Variants in CRYZL1 observed in about 807,000 individuals in gnomAD.
CRYZL1 encodes crystallin zeta like 1.
A neutral mutation model predicts 50.6 loss-of-function variants in CRYZL1; 34 were observed. That is an observed-to-expected ratio of 0.67 (90% CI 0.51 to 0.89). The LOEUF (loss-of-function observed/expected upper bound fraction) is 0.89. Ranked by LOEUF, CRYZL1 falls within the 40% of genes least tolerant of loss-of-function variation. The pLI, the probability that CRYZL1 is intolerant of heterozygous loss-of-function variation, is 0.00. For missense variants in CRYZL1, 354 were observed against 402.3 expected (o/e 0.88, Z 1.03); for synonymous variants, 125 against 134.3 (o/e 0.93, Z 0.48).
chr21:33,607,068 T>A (rs746446484), intron 6 of CRYZL1, among the ~76,000 whole-genome samples: 1 of 152,172 alleles, frequency 6.6e-6, no homozygotes, highest in African/African-American at 2.4e-5. Flanking sequence ...CTAAGAATTA[T>A]AATTTGATCT....
chr21:33,610,882 C>T (rs2086866015), intron 6 of CRYZL1, among the ~76,000 whole-genome samples: 1 of 147,710 alleles, frequency 6.8e-6, no homozygotes, highest in Admixed American at 6.9e-5. Flanking sequence ...CAGGCGCCCA[C>T]GACCATGCCC....
chr21:33,640,016 G>A, intron 1 of CRYZL1: 1 of 685,656 alleles, frequency 1.5e-6, no homozygotes, highest in Non-Finnish European at 2.3e-6. Flanking sequence ...AGTAGACACG[G>A]GGTTTCACCA....
chr21:33,589,497 C>A lies in CRYZL1; in HGVS notation c.*325G>T. 1 of 437,312 alleles carries A rather than the reference C, an allele frequency of 2.3e-6. No individual in the cohort carries two copies. 27.1% of individuals were successfully genotyped at this position (437,312 alleles called of 1,614,324 possible). A position where few individuals can be genotyped will look rare whatever the true frequency, so the allele number is the denominator to read the frequency against. ...AGCAAAGGCCTGCAACAGCTTTTAT[C>A]AAGAGTAGTGTGACTTTTGCTGAAA... On this transcript the variant is annotated 3_prime_UTR_variant, in exon 13 of 13. Coordinates refer to ENST00000381554, the MANE Select transcript of CRYZL1 (RefSeq NM_145858.3).
At chr21:33,601,480 C>A (rs2086756048) in intron 8 of CRYZL1, among the ~76,000 whole-genome samples, 1 of 152,132 alleles carries the variant, frequency 6.6e-6, no homozygotes, top group Non-Finnish European at 1.5e-5. Context: ...CTTCCACACC[C>A]AGCCTGCATC....
At chr21:33,628,155 G>A (rs1315321178) in intron 2 of CRYZL1, among the ~76,000 whole-genome samples, 1 of 152,108 alleles carries the variant, frequency 6.6e-6, no homozygotes, top group Non-Finnish European at 1.5e-5. Context: ...AGTTTGTTCT[G>A]TCTTCCTAAT....
intron 3 of CRYZL1, among the ~76,000 whole-genome samples, chr21:33,624,076 T>C (rs931062605): frequency 1.3e-5 from 2 of 152,174 alleles, no homozygotes; most frequent in African/African-American, 4.8e-5. Flanking sequence ...TATAAACTCT[T>C]AGTTTTTTGC....
intron 8 of CRYZL1, among the ~76,000 whole-genome samples, chr21:33,600,213 C>G (rs2086736740): frequency 6.6e-6 from 1 of 152,252 alleles, no homozygotes; most frequent in African/African-American, 2.4e-5. Context: ...TCCCTCTCTT[C>G]CCCACTTACT....
At chr21:33,624,252 T>A (rs555427977) in intron 3 of CRYZL1, among the ~76,000 whole-genome samples, 1 of 152,214 alleles carries the variant, frequency 6.6e-6, no homozygotes, top group Non-Finnish European at 1.5e-5. Context: ...GCTGTTCTAT[T>A]CTAAAGATGG....
chr21:33,635,493 G>C (rs1267086639), intron 1 of CRYZL1, among the ~76,000 whole-genome samples: 5 of 151,104 alleles, frequency 3.3e-5, no homozygotes, highest in Non-Finnish European at 7.4e-5. Flanking sequence ...TGGGACTACA[G>C]GCGCCCACCA....
chr21:33,602,214 G>A lies in CRYZL1; in HGVS notation c.577+20C>T, dbSNP rs1325393984. 1 of 1,263,064 alleles carries A rather than the reference G, an allele frequency of 7.9e-7. No individual in the cohort carries two copies. Among genetic ancestry groups the A allele is most frequent in the Non-Finnish European group, 1.2e-6 (1 of 864,674 alleles). 78.2% of individuals were successfully genotyped at this position (1,263,064 alleles called of 1,614,324 possible). A position where few individuals can be genotyped will look rare whatever the true frequency, so the allele number is the denominator to read the frequency against. ...TTCAAAATTTCCTGTTTTAAAGTCT[G>A]TGCTCATAATATTACCCACCTATGG... On this transcript the variant is annotated intron_variant, in intron 8 of 12. Transcript: ENST00000381554.
intron 6 of CRYZL1, among the ~76,000 whole-genome samples, chr21:33,606,477 T>C (rs2145929282): frequency 1.4e-5 from 2 of 147,810 alleles, no homozygotes; most frequent in African/African-American, 5.0e-5. Context: ...AATACAAAAA[T>C]TAGCCAGGCA....
intron 3 of CRYZL1, 152 bp downstream of exon 3, chr21:33,624,531 A>G (rs1214057456): frequency 7.0e-6 from 9 of 1,294,524 alleles, no homozygotes; most frequent in Non-Finnish European, 9.2e-6. Flanking sequence ...CCTGGGCAAC[A>G]AGAGTGAAAC....
At chr21:33,632,308 G>C (rs944925732) in intron 1 of CRYZL1, among the ~76,000 whole-genome samples, 5 of 151,884 alleles carry the variant, frequency 3.3e-5, no homozygotes, top group African/African-American at 1.2e-4. Context: ...CTTCAGCCTG[G>C]GGAACAAGAG....
intron 9 of CRYZL1, among the ~76,000 whole-genome samples, chr21:33,597,653 C>A (rs2086709570): frequency 1.3e-5 from 2 of 152,028 alleles, no homozygotes; most frequent in Admixed American, 1.3e-4. Context: ...CGCTCTGTCG[C>A]CCAGGCTGGA....
intron 8 of CRYZL1, among the ~76,000 whole-genome samples, chr21:33,600,242 T>C (rs1208887188): frequency 2.0e-5 from 3 of 152,058 alleles, no homozygotes; most frequent in Non-Finnish European, 4.4e-5. Flanking sequence ...TGAAGAAAAA[T>C]CTTAAAGCTA....
intron 1 of CRYZL1, 94 bp from the exon 2 acceptor site, chr21:33,631,651 C>A: frequency 1.4e-6 from 1 of 713,332 alleles, no homozygotes. Flanking sequence ...AAGGATAAAA[C>A]GACAACTACA....
intron 1 of CRYZL1, chr21:33,641,162 C>T: frequency 3.9e-6 from 6 of 1,550,258 alleles, no homozygotes; most frequent in Non-Finnish European, 5.2e-6. Flanking sequence ...CCAGACCTAT[C>T]CCAAGGCGAT....
At chr21:33,595,595 T>C in intron 11 of CRYZL1, 136 bp downstream of exon 11, 3 of 1,422,128 alleles carry the variant, frequency 2.1e-6, no homozygotes, top group Non-Finnish European at 2.9e-6. Flanking sequence ...AATGAATACT[T>C]GCAAGGCACT....
intron 4 of CRYZL1, chr21:33,617,041 G>C: frequency 5.1e-6 from 1 of 195,438 alleles, no homozygotes; most frequent in Non-Finnish European, 1.0e-5. Context: ...TTTTGAGATG[G>C]AGTTCTGCTC....
Sources: gnomAD v4.1 joint callset for allele counts (sites outside exome capture counted in the v4.1 genomes callset) on GRCh38, gnomAD v4.1.1 for gene constraint, MANE v1.5 for transcripts, NCBI Gene and HGNC (gene_info 2026-07-23, HGNC 2026-07-21) for gene names.